Variants in PCDH15 observed in about 807,000 individuals in gnomAD.
PCDH15 encodes the protein protocadherin-15.
A neutral mutation model predicts 178.5 loss-of-function variants in PCDH15; 129 were observed. The ratio of observed to expected loss-of-function variants is 0.72; its 90% CI spans 0.63 to 0.84. PCDH15 has a LOEUF of 0.84. PCDH15 is among the 40% of genes least tolerant of loss of function. The pLI, the probability that PCDH15 is intolerant of heterozygous loss-of-function variation, is 0.00. For missense variants in PCDH15, 2,230 were observed against 2,099.9 expected (o/e 1.06, Z -1.21); for synonymous variants, 800 against 732.0 (o/e 1.09, Z -1.50).
chr10:53,911,659 G>A (rs1206328786), intron 25 of PCDH15, among the ~76,000 whole-genome samples: 3 of 152,176 alleles, frequency 2.0e-5, no homozygotes, highest in African/African-American at 4.8e-5. Flanking sequence ...ATGAATCCAG[G>A]AGCTGGTTTT....
chr10:54,536,901 A>G (rs2084596261), intron 2 of PCDH15, among the ~76,000 whole-genome samples: 1 of 151,828 alleles, frequency 6.6e-6, no homozygotes, highest in African/African-American at 2.4e-5. Flanking sequence ...TTCACTGTTG[A>G]CGGGCACTTA....
At chr10:54,108,729 C>A (rs1468089728) in intron 15 of PCDH15, among the ~76,000 whole-genome samples, 1 of 152,104 alleles carries the variant, frequency 6.6e-6, no homozygotes, top group African/African-American at 2.4e-5. Flanking sequence ...CAGGGGGATA[C>A]TCTTTACTTC....
chr10:54,203,798 G>A (rs1183873537), intron 10 of PCDH15, among the ~76,000 whole-genome samples: 1 of 152,092 alleles, frequency 6.6e-6, no homozygotes, highest in Non-Finnish European at 1.5e-5. Context: ...ATCTTTATAT[G>A]AGGATGATTC....
At position 55,426,283 on chromosome 10, in the gene PCDH15, C is replaced by T. The variant is rs563216575; in HGVS notation, c.-156+201342G>A. On this transcript the variant is annotated intron_variant, in intron 2 of 5. Coordinates refer to the PCDH15 transcript ENST00000613346. ...TCAGCCCACAGCTCTCAACTCCTCG[C>T]AGGAGGGAGTGCCTGAGCCAGTGAG... 5.3e-5 allele frequency among the ~76,000 whole-genome samples: 8 copies of T among 152,230 alleles called. No homozygotes were observed. The South Asian group carries it at 1.5e-3, about 28-fold the overall frequency.
chr10:54,130,137 G>A (rs1029460227), intron 15 of PCDH15, among the ~76,000 whole-genome samples: 2 of 147,700 alleles, frequency 1.4e-5, no homozygotes, highest in Non-Finnish European at 2.9e-5. Flanking sequence ...CAGACAAAGA[G>A]GGAGGAAGCT....
intron 2 of PCDH15, among the ~76,000 whole-genome samples, chr10:55,109,747 AAT>A (rs1304852629): frequency 6.6e-6 from 1 of 152,116 alleles, no homozygotes; most frequent in African/African-American, 2.4e-5. Flanking sequence ...TTCATTCAGT[AAT>A]AAAGAAATTT....
At chr10:55,013,179 T>C (rs1840087798) in intron 2 of PCDH15, among the ~76,000 whole-genome samples, 1 of 152,162 alleles carries the variant, frequency 6.6e-6, no homozygotes, top group Non-Finnish European at 1.5e-5. Flanking sequence ...ATTCATGTAT[T>C]CTCTGTCTAC....
At chr10:53,972,742 T>C (rs2089837990) in intron 21 of PCDH15, among the ~76,000 whole-genome samples, 1 of 152,136 alleles carries the variant, frequency 6.6e-6, no homozygotes, top group South Asian at 2.1e-4. Context: ...CACAATGAGA[T>C]ACCATCTCAC....
At chr10:54,246,556 A>G (rs1330962348) in intron 8 of PCDH15, among the ~76,000 whole-genome samples, 1 of 151,954 alleles carries the variant, frequency 6.6e-6, no homozygotes, top group Non-Finnish European at 1.5e-5. Flanking sequence ...TTAGATGAAT[A>G]CATCATATTT....
At chr10:54,247,310 C>T (rs984403874) in intron 8 of PCDH15, among the ~76,000 whole-genome samples, 1 of 151,912 alleles carries the variant, frequency 6.6e-6, no homozygotes, top group Non-Finnish European at 1.5e-5. Context: ...TTCCCTACAA[C>T]TTTCTTGAGA....
chr10:54,093,674 A>T (rs1434386835), intron 15 of PCDH15, among the ~76,000 whole-genome samples: 1 of 152,182 alleles, frequency 6.6e-6, no homozygotes, highest in Non-Finnish European at 1.5e-5. Context: ...TGTGTCAGAA[A>T]CTATATTAAA....
intron 34 of PCDH15, among the ~76,000 whole-genome samples, chr10:53,817,435 A>G (rs1372518956): frequency 1.3e-5 from 2 of 151,746 alleles, no homozygotes; most frequent in East Asian, 1.9e-4. Flanking sequence ...TAACCTAGTG[A>G]TAGGATGGCG....
intron 1 of PCDH15, among the ~76,000 whole-genome samples, chr10:54,739,593 G>A (rs1379047450): frequency 6.7e-6 from 1 of 148,686 alleles, no homozygotes; most frequent in East Asian, 1.9e-4. Flanking sequence ...TTTGTATGGA[G>A]CCACAAAAGA....
chr10:55,279,726 C>A (rs1250495523), intron 1 of PCDH15, among the ~76,000 whole-genome samples: 2 of 152,124 alleles, frequency 1.3e-5, no homozygotes, highest in Non-Finnish European at 2.9e-5. Flanking sequence ...AAAGAGATAT[C>A]ATTTTTCCCT....
At chr10:54,403,849 T>TCA (rs886649155) in intron 3 of PCDH15, among the ~76,000 whole-genome samples, 9 of 147,354 alleles carry the variant, frequency 6.1e-5, no homozygotes, top group East Asian at 3.9e-4. Flanking sequence ...TGCCACACAC[T>TCA]CACACACACA....
At chr10:54,550,120 T>C (rs1012869957) in intron 2 of PCDH15, among the ~76,000 whole-genome samples, 4 of 152,194 alleles carry the variant, frequency 2.6e-5, no homozygotes, top group African/African-American at 9.6e-5. Context: ...ACTCATGCTT[T>C]CTTATCTTAT....
At chr10:55,500,779 T>G (rs1272427496) in intron 2 of PCDH15, among the ~76,000 whole-genome samples, 1 of 151,834 alleles carries the variant, frequency 6.6e-6, no homozygotes, top group Non-Finnish European at 1.5e-5. Flanking sequence ...AAAGTTAGAA[T>G]GCTGTCTGTA....
chr10:54,371,803 G>A (rs1032097006), intron 4 of PCDH15, among the ~76,000 whole-genome samples: 2 of 151,784 alleles, frequency 1.3e-5, no homozygotes, highest in African/African-American at 4.8e-5. Context: ...CTTTTCCTCT[G>A]CCATTATGAG....
chr10:54,187,499 T>C (rs2048578769), intron 11 of PCDH15, among the ~76,000 whole-genome samples: 3 of 151,904 alleles, frequency 2.0e-5, no homozygotes, highest in Admixed American at 2.0e-4. Flanking sequence ...TGCTTTTCGT[T>C]TGAAGATAAT....
Sources: allele counts gnomAD v4.1 joint callset (sites outside exome capture counted in the v4.1 genomes callset), GRCh38; gene constraint gnomAD v4.1.1; transcripts MANE v1.5; gene names NCBI Gene and HGNC (gene_info 2026-07-23, HGNC 2026-07-21).